KAZN: variants seen among roughly 807,000 people sequenced by gnomAD.
KAZN encodes kazrin.
Under a neutral mutation model 87.4 loss-of-function variants are expected in KAZN, and 40 were observed. The observed-to-expected ratio is 0.46, with a 90% CI of 0.36 to 0.60. KAZN has a LOEUF of 0.60. Ranked by LOEUF, KAZN falls within the 20% of genes least tolerant of loss-of-function variation. The probability of loss-of-function intolerance (pLI) is 0.00; values close to 1 mark genes in which losing one functional copy is unlikely to be tolerated. For missense variants in KAZN, 898 were observed against 1,073.9 expected (o/e 0.84, Z 2.29); for synonymous variants, 466 against 458.3 (o/e 1.02, Z -0.22).
chr1:14,105,822 A>C (rs563541356), intron 1 of KAZN, among the ~76,000 whole-genome samples: 1 of 152,300 alleles, frequency 6.6e-6, no homozygotes, highest in South Asian at 2.1e-4. Context: ...GCTTTTGGTG[A>C]AAAGTCCTCT....
At position 14,108,012 on chromosome 1, in the gene KAZN, G is replaced by A. The variant is rs537281521; in HGVS notation, c.92-72423G>A. On this transcript the variant is annotated intron_variant, in intron 1 of 16. Transcript: ENST00000636203. ...AAGATCATCTCTCTGCTGAATTTCA[G>A]AATCTATCTATCCTTGAACAACTTC... Among the ~76,000 whole-genome samples the A allele has an allele frequency of 2.0e-5, 3 of 152,172 alleles. No individual in the cohort carries two copies. The South Asian group carries it at 6.2e-4, about 32-fold the overall frequency.
At chr1:13,944,699 T>G (rs1309127183) in intron 1 of KAZN, among the ~76,000 whole-genome samples, 1 of 152,164 alleles carries the variant, frequency 6.6e-6, no homozygotes, top group Non-Finnish European at 1.5e-5. Context: ...TGTCATTATC[T>G]CTATGGTAAC....
chr1:14,057,478 T>G (rs576326466), intron 1 of KAZN, among the ~76,000 whole-genome samples: 1 of 152,318 alleles, frequency 6.6e-6, no homozygotes, highest in East Asian at 1.9e-4. Context: ...TCCTTTCATT[T>G]GAGGATGTTT....
chr1:14,808,416 C>T (rs1357535129), intron 1 of KAZN, among the ~76,000 whole-genome samples: 1 of 151,158 alleles, frequency 6.6e-6, no homozygotes, highest in Non-Finnish European at 1.5e-5. Context: ...CCTACCTCAG[C>T]CCCCTGAATA....
At chr1:14,415,008 A>G (rs1387951056) in intron 2 of KAZN, among the ~76,000 whole-genome samples, 1 of 152,202 alleles carries the variant, frequency 6.6e-6, no homozygotes. Flanking sequence ...CCTGGGCGAT[A>G]CAGTGAGACT....
chr1:14,724,820 C>T (rs1643301878), intron 1 of KAZN, among the ~76,000 whole-genome samples: 1 of 152,204 alleles, frequency 6.6e-6, no homozygotes, highest in Non-Finnish European at 1.5e-5. Flanking sequence ...TCTGGTTTTT[C>T]AATTACTTCA....
intron 1 of KAZN, among the ~76,000 whole-genome samples, chr1:14,712,779 A>G (rs1304308046): frequency 3.9e-5 from 6 of 152,346 alleles, no homozygotes; most frequent in Non-Finnish European, 7.3e-5. Context: ...AGGCTGGAAC[A>G]TTCCCCTAGT....
intron 2 of KAZN, among the ~76,000 whole-genome samples, chr1:14,320,049 GC>G (rs1294615676): frequency 6.6e-6 from 1 of 152,154 alleles, no homozygotes; most frequent in Admixed American, 6.5e-5. Flanking sequence ...GTGGTGGTAA[GC>G]TTTTTACAAC....
intron 2 of KAZN, among the ~76,000 whole-genome samples, chr1:14,399,763 C>T (rs1413148501): frequency 3.3e-5 from 5 of 152,112 alleles, no homozygotes; most frequent in South Asian, 2.1e-4. Flanking sequence ...TCAAAGCCGT[C>T]GTGCTCGATG....
intron 2 of KAZN, among the ~76,000 whole-genome samples, chr1:14,512,252 T>C (rs1330299266): frequency 6.6e-6 from 1 of 152,168 alleles, no homozygotes; most frequent in Non-Finnish European, 1.5e-5. Flanking sequence ...TGTGAATTTA[T>C]GTCTAATTGG....
intron 2 of KAZN, among the ~76,000 whole-genome samples, chr1:14,470,717 A>G (rs1668410928): frequency 6.6e-6 from 1 of 152,098 alleles, no homozygotes; most frequent in Non-Finnish European, 1.5e-5. Context: ...TGGGCAAGCC[A>G]TTTTCAGTTC....
intron 1 of KAZN, among the ~76,000 whole-genome samples, chr1:14,805,908 G>A (rs770484758): frequency 2.6e-5 from 4 of 152,104 alleles, no homozygotes; most frequent in African/African-American, 7.2e-5. Context: ...GCTGGGAGGC[G>A]ATTGCAGTGT....
chr1:14,320,556 G>C (rs895154736), intron 2 of KAZN, among the ~76,000 whole-genome samples: 1 of 151,996 alleles, frequency 6.6e-6, no homozygotes, highest in Non-Finnish European at 1.5e-5. Context: ...TGTGAATTCT[G>C]AGACCTCCAG....
intron 1 of KAZN, among the ~76,000 whole-genome samples, chr1:14,007,501 T>G (rs533411541): frequency 6.6e-6 from 1 of 152,288 alleles, no homozygotes; most frequent in Non-Finnish European, 1.5e-5. Context: ...GGTGGCACAT[T>G]TGGCAAAAGG....
At chr1:14,372,245 A>G (rs1321973117) in intron 2 of KAZN, among the ~76,000 whole-genome samples, 1 of 152,248 alleles carries the variant, frequency 6.6e-6, no homozygotes, top group East Asian at 1.9e-4. Flanking sequence ...TGGTTGAATC[A>G]TGGATAGATC....
intron 2 of KAZN, among the ~76,000 whole-genome samples, chr1:14,195,841 C>T (rs1419915598): frequency 1.3e-5 from 2 of 152,120 alleles, no homozygotes; most frequent in African/African-American, 4.8e-5. Context: ...AAATCCCAGT[C>T]TTCCTGGAGC....
chr1:14,681,611 GTGTATATATATATATATATATA>G (rs59113659), intron 1 of KAZN, among the ~76,000 whole-genome samples: 2,530 of 33,756 alleles, frequency 0.075, 245 homozygotes, highest in African/African-American at 0.13. Flanking sequence ...ATATGTATAT[GTGTATATATATATATATATATA>G]TATATATATA....
intron 1 of KAZN, among the ~76,000 whole-genome samples, chr1:13,999,929 A>G (rs1301582224): frequency 6.6e-6 from 1 of 152,260 alleles, no homozygotes; most frequent in Non-Finnish European, 1.5e-5. Flanking sequence ...TTCTATGTAA[A>G]TAAACTAGAA....
chr1:14,278,170 C>CAAAAAAAAAA (rs34057998), intron 2 of KAZN, among the ~76,000 whole-genome samples: 1 of 55,880 alleles, frequency 1.8e-5, no homozygotes, highest in African/African-American at 4.8e-5. Flanking sequence ...AACTCTGTCT[C>CAAAAAAAAAA]AAAAAAAAAA....
Sources: allele counts gnomAD v4.1 joint callset (sites outside exome capture counted in the v4.1 genomes callset), GRCh38; gene constraint gnomAD v4.1.1; transcripts MANE v1.5; gene names NCBI Gene and HGNC (gene_info 2026-07-23, HGNC 2026-07-21).